Variants in CUL9 observed in about 807,000 individuals in gnomAD.
CUL9 encodes the protein cullin-9.
A neutral mutation model predicts 272.6 loss-of-function variants in CUL9; 79 were observed. That is an observed-to-expected ratio of 0.29 (90% CI 0.24 to 0.35). The LOEUF (loss-of-function observed/expected upper bound fraction) is 0.35. Among genes scored for constraint, CUL9 ranks in the 10% least tolerant of loss-of-function variants. The pLI is 1.00. For missense variants in CUL9, 2,532 were observed against 3,255.6 expected (o/e 0.78, Z 5.41); for synonymous variants, 1,186 against 1,286.5 (o/e 0.92, Z 1.67).
rs768746721 is a variant in CUL9, at chr6:43,224,048, C to A, written c.7285-47C>A. The A allele has an allele frequency of 6.4e-7, 1 of 1,566,676 alleles. No individual in the cohort carries two copies. On this transcript the variant is annotated intron_variant, in intron 39 of 40. Coordinates refer to ENST00000252050, the MANE Select transcript of CUL9 (RefSeq NM_015089.4). This position sits in a 1 kb window ranked among gnomAD's most constrained non-coding sequence, Gnocchi z 4.2. ...GTGGAAGGAATGCTGGGTCCAAAGG[C>A]CCCATGCCCTCTACCTCCTTCTCAA...
chr6:43,192,876 TG>T, intron 8 of CUL9, 124 bp from the exon 9 acceptor site: 1 of 764,794 alleles, frequency 1.3e-6, no homozygotes. Context: ...CAGGTTTGGG[TG>T]GGGCAGAGAG....
chr6:43,191,296 GTTGT>G lies in CUL9; in HGVS notation c.2181-1702_2181-1699del, dbSNP rs1219043694. Among the ~76,000 whole-genome samples, 809 of 144,112 alleles carry G rather than the reference GTTGT, an allele frequency of 5.6e-3. 10 individuals carry two copies. The highest frequency in any genetic ancestry group is 0.019 in the African/African-American group (735 of 37,894). The allele number at this position is 144,112 out of a possible 152,430, so 94.5% of individuals were successfully genotyped here. ...TGTGTGTGTGTGTGTGTGTGTGCGT[GTTGT>G]TTTTTTTTTTGTTTGTTTTTTTGTT... On this transcript the variant is annotated intron_variant, in intron 8 of 40. Coordinates refer to ENST00000252050, the MANE Select transcript of CUL9 (RefSeq NM_015089.4).
At position 43,187,700 on chromosome 6, in the gene CUL9, C is replaced by G. The variant is rs150087292; in HGVS notation, c.1582-13C>G. 6.8e-6 allele frequency: 11 copies of G among 1,610,558 alleles called. No individual in the cohort carries two copies. In the Admixed American group the frequency reaches 8.3e-5, roughly 12 times the overall value. ...CTGCTTGTCTCTTAAACGTATACCC[C>G]TTCTGTTGACAGACCCTGGGTGAAA... is the stretch of plus-strand genomic sequence containing the variant. On this transcript the variant is annotated splice_polypyrimidine_tract_variant and intron_variant, in intron 6 of 40. Coordinates refer to ENST00000252050, the MANE Select transcript of CUL9 (RefSeq NM_015089.4).
intron 11 of CUL9, among the ~76,000 whole-genome samples, chr6:43,197,251 T>A (rs1439912730): frequency 6.6e-6 from 1 of 151,980 alleles, no homozygotes; most frequent in African/African-American, 2.4e-5. Context: ...TTCACCATGT[T>A]GGCCAGGCTG....
chr6:43,190,299 T>G (rs1194601095), intron 8 of CUL9, among the ~76,000 whole-genome samples: 2 of 105,758 alleles, frequency 1.9e-5, no homozygotes, highest in Non-Finnish European at 3.4e-5. Flanking sequence ...ATTTGTTCTG[T>G]TTTTTTTTTT....
At position 43,184,861 on chromosome 6, in the gene CUL9, G is replaced by A. The variant is rs773291608; in HGVS notation, c.551G>A (p.Arg184Gln). The part of the protein sequence containing the change: ...MLCNPEPQIR[R>Q]SAGKMLQALA... ...TGCAATCCTGAGCCTCAGATCCGCC[G>A]GAGTGCAGGCAAAATGCTGCAGGCT... The change falls in exon 2 of 41, where the codon CGG (arginine) becomes CAG (glutamine). Residue 184 changes from arginine (R) to glutamine (Q), a missense_variant. Around this residue, in one of 3 missense-constraint regions of CUL9, gnomAD observed 2,218 missense variants for 2,788.6 expected, o/e 0.80. Coordinates refer to ENST00000252050, the MANE Select transcript of CUL9 (RefSeq NM_015089.4). The surrounding 1 kb of genome is among the most constrained non-coding windows in gnomAD (Gnocchi z 4.8). 6.9e-6 allele frequency: 11 copies of A among 1,604,070 alleles called. No homozygotes were observed. Among genetic ancestry groups the A allele is most frequent in the African/African-American group, 2.7e-5 (2 of 74,890 alleles).
chr6:43,216,126 A>C, intron 30 of CUL9, 32 bp from the exon 31 acceptor site: 1 of 1,579,488 alleles, frequency 6.3e-7, no homozygotes, highest in Non-Finnish European at 8.7e-7. Flanking sequence ...CAGGGCAGGA[A>C]TACTGACTTC....
At chr6:43,191,631 C>T (rs960932752) in intron 8 of CUL9, among the ~76,000 whole-genome samples, 9 of 151,892 alleles carry the variant, frequency 5.9e-5, no homozygotes, top group African/African-American at 1.9e-4. Flanking sequence ...GTCGCCCAGG[C>T]TGGAGTGCAG....
intron 26 of CUL9, chr6:43,212,944 G>C (rs1277317206): frequency 1.2e-5 from 7 of 590,720 alleles, no homozygotes. Context: ...GTCTAGGGAT[G>C]GGCTCCTAGA....
Position 43,203,839 on chromosome 6 carries a change from A to G in CUL9, c.4026-15A>G. 1.2e-6 allele frequency: 2 copies of G among 1,600,298 alleles called. No individual in the cohort carries two copies. The highest frequency in any genetic ancestry group is 1.7e-6 in the Non-Finnish European group (2 of 1,171,664). ...CGGTGCCATTAATCCTCCGCCATGC[A>G]CTGTTTGTTCCCAGACTGAACAGGG... On this transcript the variant is annotated splice_polypyrimidine_tract_variant and intron_variant, in intron 19 of 40. Transcript: ENST00000252050. This position sits in a 1 kb window ranked among gnomAD's most constrained non-coding sequence, Gnocchi z 5.0.
intron 10 of CUL9, 84 bp from the exon 11 acceptor site, chr6:43,196,561 C>G: frequency 8.0e-7 from 1 of 1,257,510 alleles, no homozygotes; most frequent in Non-Finnish European, 1.2e-6. Flanking sequence ...TGCTCCCTAG[C>G]TGCCCGGCCT....
In CUL9 at chr6:43,222,611, T is replaced by G; in HGVS notation, c.7002T>G (p.Asp2334Glu). Residue 2334 changes from aspartate (D) to glutamate (E), a missense_variant, in exon 37 of 41, where the codon GAT (aspartate) becomes GAG (glutamate). By Grantham distance (45) the Asp-to-Glu change is conservative. This residue lies in a region of CUL9 where 237 missense variants were observed against 305.9 expected (regional missense o/e 0.77). Transcript: ENST00000252050. The stretch of plus-strand genomic sequence containing the variant: ...CCAGATCCTTCACCTTCCTCAATGA[T>G]GCCTGCCAGGGACTGGAGCAGGCTC... Reference protein sequence around the residue: ...PPPRSFTFLNDACQGLEQARK... With the variant: ...PPPRSFTFLNEACQGLEQARK... 1 of 1,612,992 alleles carries G rather than the reference T, an allele frequency of 6.2e-7. No homozygotes were observed. The highest frequency in any genetic ancestry group is 1.1e-5 in the South Asian group (1 of 91,090).
chr6:43,215,159 T>A lies in CUL9; in HGVS notation c.5769T>A (p.Ser1923Arg). 1 of 1,614,176 alleles carries A rather than the reference T, an allele frequency of 6.2e-7. No individual in the cohort carries two copies. Among genetic ancestry groups the A allele is most frequent in the East Asian group, 2.2e-5 (1 of 44,882 alleles). ...TTGCTGGGGGTGTGGCCTGTACCAG[T>A]ACAGATGTCCTCTCTTGCATCCTGC... ...HTVAGGVACT[S>R]TDVLSCILHL... is the part of the protein sequence containing the mutation. The change falls in exon 30 of 41, where the codon AGT (serine) becomes AGA (arginine). Residue 1923 changes from serine (S) to arginine (R), a missense_variant. Physicochemically the swap from Ser to Arg is moderately radical, Grantham distance 110. This residue lies in a region of CUL9 where 2,218 missense variants were observed against 2,788.6 expected (regional missense o/e 0.80). Coordinates refer to ENST00000252050, the MANE Select transcript of CUL9 (RefSeq NM_015089.4).
In CUL9 at chr6:43,221,366, G is replaced by A; in HGVS notation, c.6752+45G>A. 2.8e-6 allele frequency: 3 copies of A among 1,063,482 alleles called. No individual in the cohort carries two copies. The highest frequency in any genetic ancestry group is 4.1e-6 in the Non-Finnish European group (3 of 731,346). The allele number at this position is 1,063,482 out of a possible 1,614,324, so 65.9% of individuals were successfully genotyped here. The stretch of plus-strand genomic sequence containing the variant: ...GGGGAGCCAGAGGGCAAGGAGGGGG[G>A]AGGAGGCCTGGCAGAAGGAGGGGGG... On this transcript the variant is annotated intron_variant, in intron 34 of 40. Transcript: ENST00000252050. This position sits in a 1 kb window ranked among gnomAD's most constrained non-coding sequence, Gnocchi z 4.2.
chr6:43,209,651 C>T (rs1433755828), intron 26 of CUL9, among the ~76,000 whole-genome samples: 1 of 151,534 alleles, frequency 6.6e-6, no homozygotes, highest in Non-Finnish European at 1.5e-5. Flanking sequence ...TCTTTTCTTT[C>T]TTTCTTTTTT....
chr6:43,220,995 G>T lies in CUL9; in HGVS notation c.6588+84G>T. 6.7e-7 allele frequency: 1 copy of T among 1,489,346 alleles called. No homozygotes were observed. The highest frequency in any genetic ancestry group is 1.3e-5 in the South Asian group (1 of 76,276). The allele number at this position is 1,489,346 out of a possible 1,614,324, so 92.3% of individuals were successfully genotyped here. Reference sequence around the variant, plus strand: ...ATATCCCCACCCCGCCACACACACAGACTGTGACTTGTCCTTCCTCAGCCT... The same window carrying T: ...ATATCCCCACCCCGCCACACACACATACTGTGACTTGTCCTTCCTCAGCCT... On this transcript the variant is annotated intron_variant, in intron 33 of 40. Transcript: ENST00000252050. The surrounding 1 kb of genome is among the most constrained non-coding windows in gnomAD (Gnocchi z 4.9).
chr6:43,196,913 G>C (rs760998501), intron 11 of CUL9, 51 bp downstream of exon 11: 1 of 1,449,878 alleles, frequency 6.9e-7, no homozygotes, highest in South Asian at 1.2e-5. Flanking sequence ...GTGCCAGCCA[G>C]GTTTACATAT....
At chr6:43,182,809 C>T (rs1772534802) in intron 1 of CUL9, among the ~76,000 whole-genome samples, 1 of 152,164 alleles carries the variant, frequency 6.6e-6, no homozygotes, top group Non-Finnish European at 1.5e-5. Flanking sequence ...TACCTTCTTC[C>T]ATTCTTATTC....
intron 16 of CUL9, 109 bp from the exon 17 acceptor site, chr6:43,202,607 C>A: frequency 1.2e-6 from 1 of 868,388 alleles, no homozygotes; most frequent in Non-Finnish European, 1.9e-6. Flanking sequence ...TGATCTTAAA[C>A]TAGCCTCAAG....
Sources: gnomAD v4.1 joint callset for allele counts (sites outside exome capture counted in the v4.1 genomes callset) on GRCh38, gnomAD v4.1.1 for gene constraint, gnomAD v4.1.1 regional missense constraint, Gnocchi (gnomAD v3.1) non-coding constraint, MANE v1.5 for transcripts, NCBI Gene and HGNC (gene_info 2026-07-23, HGNC 2026-07-21) for gene names.